The following CCNJL variants were observed in gnomAD, a reference collection of about 807,000 sequenced individuals.
CCNJL encodes cyclin-J-like protein.
Under a neutral mutation model 33.4 loss-of-function variants are expected in CCNJL, and 33 were observed. That is an observed-to-expected ratio of 0.99 (90% confidence interval 0.75 to 1.32). CCNJL has a LOEUF of 1.32. Ranked by LOEUF, CCNJL falls within the 40% of genes most tolerant of loss-of-function variation. CCNJL has a pLI of 0.00. For synonymous variants in CCNJL, 227 were observed against 220.9 expected (o/e 1.03, Z -0.24); for missense variants, 512 against 499.7 (o/e 1.02, Z -0.23).
intron 2 of CCNJL, among the ~76,000 whole-genome samples, chr5:160,310,246 C>T (rs1234935308): frequency 6.6e-6 from 1 of 152,196 alleles, no homozygotes; most frequent in East Asian, 1.9e-4. Flanking sequence ...ACCCCTACCA[C>T]TTTCCTTGCT....
At position 160,322,771 on chromosome 5, in the gene CCNJL, T is replaced by C. The variant is rs534931637; in HGVS notation, n.207-7266A>G. On this transcript the variant is annotated intron_variant and non_coding_transcript_variant, in intron 1 of 7. Coordinates refer to the CCNJL transcript ENST00000377503. ...AGCTACAAAAATTAGCTGGGCGTGG[T>C]TGCGCAGCGCACCTGTAGTCCCAGC... Among the ~76,000 whole-genome samples the C allele has an allele frequency of 3.0e-4, 44 of 148,034 alleles. No homozygotes were observed. In the South Asian group the frequency reaches 8.4e-3, roughly 28 times the overall value.
chr5:160,295,589 T>C (rs1356675170), intron 2 of CCNJL, among the ~76,000 whole-genome samples: 1 of 152,116 alleles, frequency 6.6e-6, no homozygotes, highest in African/African-American at 2.4e-5. Context: ...TTTTGTGTTC[T>C]TATAGGAAGA....
At chr5:160,326,400 G>A (rs955568823) in intron 1 of CCNJL, among the ~76,000 whole-genome samples, 1 of 150,698 alleles carries the variant, frequency 6.6e-6, no homozygotes, top group African/African-American at 2.5e-5. Context: ...GCTTGAACCC[G>A]GGAGGTGAAG....
intron 1 of CCNJL, among the ~76,000 whole-genome samples, chr5:160,320,756 C>G (rs1387070144): frequency 2.0e-5 from 3 of 151,628 alleles, no homozygotes; most frequent in Non-Finnish European, 4.4e-5. Context: ...TTGACTTTGC[C>G]TCTTTCTTTT....
intron 5 of CCNJL, chr5:160,254,180 C>A: frequency 4.1e-6 from 2 of 484,264 alleles, no homozygotes; most frequent in Non-Finnish European, 7.3e-6. Context: ...CCTTCCCATC[C>A]CCTGGCACTG....
chr5:160,278,003 G>A (rs1175589340), intron 3 of CCNJL, among the ~76,000 whole-genome samples: 1 of 152,138 alleles, frequency 6.6e-6, no homozygotes, highest in Non-Finnish European at 1.5e-5. Flanking sequence ...TGCCTCCCGG[G>A]TTCAAGCGAT....
At chr5:160,301,525 G>A (rs1762921050) in intron 2 of CCNJL, among the ~76,000 whole-genome samples, 1 of 148,884 alleles carries the variant, frequency 6.7e-6, no homozygotes. Context: ...CCTCTGCCTC[G>A]CGGGTTCAAG....
chr5:160,291,815 C>G (rs974911595), intron 2 of CCNJL, among the ~76,000 whole-genome samples: 2 of 152,204 alleles, frequency 1.3e-5, no homozygotes, highest in Non-Finnish European at 2.9e-5. Context: ...TGGCAGCTCA[C>G]AGAAGCCCCA....
At chr5:160,332,758 ACTAC>A (rs769570367) in intron 1 of CCNJL, among the ~76,000 whole-genome samples, 2 of 150,274 alleles carry the variant, frequency 1.3e-5, no homozygotes, top group Non-Finnish European at 3.0e-5. Flanking sequence ...TATAGTTTCA[ACTAC>A]TGACCCTTCC....
chr5:160,297,169 G>C (rs893688856), intron 2 of CCNJL, among the ~76,000 whole-genome samples: 15 of 152,174 alleles, frequency 9.9e-5, no homozygotes, highest in African/African-American at 3.6e-4. Flanking sequence ...TATATCTTCA[G>C]CTATGCTAAG....
chr5:160,300,020 C>A (rs1053114801), intron 2 of CCNJL, among the ~76,000 whole-genome samples: 1 of 152,058 alleles, frequency 6.6e-6, no homozygotes, highest in African/African-American at 2.4e-5. Context: ...ATCCAATTCC[C>A]GATGCTTCTG....
chr5:160,259,898 C>T (rs1043965313), intron 3 of CCNJL, 127 bp from the exon 4 acceptor site: 6 of 749,714 alleles, frequency 8.0e-6, no homozygotes, highest in South Asian at 3.5e-5. Context: ...GGCCAGACTG[C>T]GGAGGAATAG....
At chr5:160,271,572 C>T (rs1308333731) in intron 3 of CCNJL, among the ~76,000 whole-genome samples, 1 of 152,210 alleles carries the variant, frequency 6.6e-6, no homozygotes, top group Non-Finnish European at 1.5e-5. Context: ...TGGAAAATCA[C>T]CATGTCCTCC....
At chr5:160,272,267 T>C (rs1451298677) in intron 3 of CCNJL, among the ~76,000 whole-genome samples, 1 of 152,178 alleles carries the variant, frequency 6.6e-6, no homozygotes, top group Non-Finnish European at 1.5e-5. Context: ...AGTTGCCAAG[T>C]AATCAAAGCA....
At chr5:160,266,533 T>C (rs1761595787) in intron 3 of CCNJL, among the ~76,000 whole-genome samples, 1 of 152,112 alleles carries the variant, frequency 6.6e-6, no homozygotes. Flanking sequence ...CAAGTGCCAG[T>C]TTCCCATCCT....
intron 2 of CCNJL, among the ~76,000 whole-genome samples, chr5:160,282,982 T>TATAC (rs1762274667): frequency 1.4e-5 from 1 of 69,586 alleles, no homozygotes; most frequent in Non-Finnish European, 2.6e-5. Flanking sequence ...TATATATATA[T>TATAC]ATATATATAT....
intron 3 of CCNJL, among the ~76,000 whole-genome samples, chr5:160,275,085 G>GTTTT (rs1554119622): frequency 7.1e-5 from 8 of 113,070 alleles, no homozygotes; most frequent in African/African-American, 2.5e-4. Flanking sequence ...GGATTTGTGT[G>GTTTT]TTTTTTTTTT....
At chr5:160,306,570 T>G (rs1384621190) in intron 2 of CCNJL, among the ~76,000 whole-genome samples, 1 of 152,094 alleles carries the variant, frequency 6.6e-6, no homozygotes, top group African/African-American at 2.4e-5. Context: ...GGAGGGAGAT[T>G]TTTTTCCCCT....
chr5:160,289,557 G>A (rs778202353), intron 2 of CCNJL, among the ~76,000 whole-genome samples: 2 of 151,976 alleles, frequency 1.3e-5, no homozygotes, highest in African/African-American at 4.8e-5. Context: ...CTGGGGGAAG[G>A]AGAGGTGGCT....
Sources: gnomAD v4.1 joint callset for allele counts (sites outside exome capture counted in the v4.1 genomes callset) on GRCh38, gnomAD v4.1.1 for gene constraint, MANE v1.5 for transcripts, NCBI Gene and HGNC (gene_info 2026-07-23, HGNC 2026-07-21) for gene names.